LRIG1: variants seen among roughly 807,000 people sequenced by gnomAD.
LRIG1 encodes leucine rich repeats and immunoglobulin like domains 1, also known as leucine-rich repeats and immunoglobulin-like domains protein 1.
In LRIG1, 48 loss-of-function variants were observed where a neutral mutation model predicts 99.2. The ratio of observed to expected loss-of-function variants is 0.48; its 90% CI spans 0.38 to 0.62. LRIG1 has a LOEUF of 0.62. Among genes scored for constraint, LRIG1 ranks in the 20% least tolerant of loss-of-function variants. The pLI is 0.00. For missense variants in LRIG1, 1,646 were observed against 1,434.4 expected, an observed-to-expected ratio of 1.15 and a Z score of -2.38; for synonymous variants, 772 against 596.1, an observed-to-expected ratio of 1.29 and a Z score of -4.30.
chr3:66,500,794 C>T lies in LRIG1; in HGVS notation c.-387G>A, dbSNP rs1258673423. On this transcript the variant is annotated 5_prime_UTR_variant, in exon 1 of 19. Transcript: ENST00000273261. ...CCTGGAAGACAGGCGTTCAGCCCCG[C>T]AGCCCGAGCTCGGTGCCGGCAGGCA... 1 of 158,286 alleles carries T rather than the reference C, an allele frequency of 6.3e-6. No homozygotes were observed. 9.8% of individuals were successfully genotyped at this position (158,286 alleles called of 1,614,324 possible).
intron 9 of LRIG1, among the ~76,000 whole-genome samples, chr3:66,399,358 C>G (rs922736634): frequency 7.2e-5 from 11 of 152,230 alleles, no homozygotes; most frequent in South Asian, 4.1e-4. Flanking sequence ...CTGGCCCAGT[C>G]TCTCTCCAAG....
At chr3:66,409,797 T>G (rs778395740) in intron 7 of LRIG1, 1 of 233,288 alleles carries the variant, frequency 4.3e-6, no homozygotes, top group Non-Finnish European at 8.4e-6. Flanking sequence ...CACTCTGCCA[T>G]AGCTGCCCTT....
intron 3 of LRIG1, among the ~76,000 whole-genome samples, chr3:66,421,179 A>C (rs996588561): frequency 6.6e-6 from 1 of 152,116 alleles, no homozygotes; most frequent in East Asian, 1.9e-4. Flanking sequence ...CAGCCAAACC[A>C]TATCATTCTG....
rs1489155983 is a variant in LRIG1, at chr3:66,381,580, A to G, written c.2669T>C (p.Val890Ala). 6.2e-7 allele frequency: 1 copy of G among 1,613,992 alleles called. No individual in the cohort carries two copies. Among genetic ancestry groups the G allele is most frequent in the Non-Finnish European group, 8.5e-7 (1 of 1,179,978 alleles). ...ACAGAGCTTTGGCTGCCTGCAGGCA[A>G]CGCTGTGAGTGTCGGGCTCTGGAAA... ...SHFPEPDTHSVACRQPKLCAG... is the reference protein window; with the variant it reads ...SHFPEPDTHSAACRQPKLCAG... Residue 890 changes from valine (V) to alanine (A), a missense_variant, in exon 17 of 19, where the codon GTT becomes GCT. Val to Ala is a moderately conservative substitution (Grantham distance 64). Coordinates refer to ENST00000273261, the MANE Select transcript of LRIG1 (RefSeq NM_015541.3).
intron 1 of LRIG1, among the ~76,000 whole-genome samples, chr3:66,475,895 A>G (rs1171112204): frequency 6.6e-6 from 1 of 152,176 alleles, no homozygotes; most frequent in East Asian, 1.9e-4. Context: ...TAAACCAGGC[A>G]CCTTTTCAAT....
intron 2 of LRIG1, among the ~76,000 whole-genome samples, chr3:66,456,945 C>T (rs1700240576): frequency 6.6e-6 from 1 of 152,184 alleles, no homozygotes; most frequent in Admixed American, 6.5e-5. Context: ...TGGAGGCACT[C>T]CCTGGTGGGC....
chr3:66,455,134 G>A (rs1235757323), intron 2 of LRIG1, among the ~76,000 whole-genome samples: 2 of 152,052 alleles, frequency 1.3e-5, no homozygotes, highest in African/African-American at 2.4e-5. Context: ...TAGTAGACAC[G>A]GGGTTTCGTC....
intron 1 of LRIG1, among the ~76,000 whole-genome samples, chr3:66,498,793 A>C (rs570878821): frequency 2.0e-5 from 3 of 152,302 alleles, no homozygotes; most frequent in Admixed American, 2.0e-4. Flanking sequence ...AGAACTCTGT[A>C]GTACTTGTTC....
intron 9 of LRIG1, among the ~76,000 whole-genome samples, chr3:66,400,529 C>T (rs1702013552): frequency 6.6e-6 from 1 of 152,160 alleles, no homozygotes; most frequent in African/African-American, 2.4e-5. Context: ...CTGTCCAAGG[C>T]AATGGGGTGC....
At chr3:66,391,402 G>A (rs1443362667) in intron 12 of LRIG1, among the ~76,000 whole-genome samples, 1 of 152,166 alleles carries the variant, frequency 6.6e-6, no homozygotes, top group Non-Finnish European at 1.5e-5. Context: ...ACAATCTAAT[G>A]TCCATCATCT....
intron 2 of LRIG1, among the ~76,000 whole-genome samples, chr3:66,452,942 C>T (rs141765851): frequency 1.3e-5 from 2 of 152,212 alleles, no homozygotes; most frequent in East Asian, 1.9e-4. Flanking sequence ...CTTAAAGGGC[C>T]CTTGTTTGTG....
At chr3:66,410,034 G>A (rs986908779) in intron 7 of LRIG1, 95 bp downstream of exon 7, 14 of 1,344,920 alleles carry the variant, frequency 1.0e-5, no homozygotes, top group African/African-American at 4.4e-5. Context: ...AGCCCTCCCC[G>A]AGGCCACTGT....
intron 12 of LRIG1, among the ~76,000 whole-genome samples, chr3:66,390,072 C>A (rs1701555343): frequency 6.6e-6 from 1 of 151,918 alleles, no homozygotes; most frequent in African/African-American, 2.4e-5. Context: ...GATTTCCCAC[C>A]AAAACTCTCA....
chr3:66,449,836 A>G (rs541978625), intron 3 of LRIG1, among the ~76,000 whole-genome samples: 22 of 152,352 alleles, frequency 1.4e-4, no homozygotes, highest in African/African-American at 5.3e-4. Flanking sequence ...GAGCAGTTAC[A>G]TCAGCATTTC....
intron 2 of LRIG1, among the ~76,000 whole-genome samples, chr3:66,453,243 G>C (rs1306705646): frequency 6.6e-6 from 1 of 152,216 alleles, no homozygotes; most frequent in East Asian, 1.9e-4. Context: ...CTCTTTCATT[G>C]CTTGCGATTT....
chr3:66,434,407 A>G (rs1237923383), intron 3 of LRIG1, among the ~76,000 whole-genome samples: 2 of 152,212 alleles, frequency 1.3e-5, no homozygotes, highest in Non-Finnish European at 2.9e-5. Context: ...TGAAAACCAT[A>G]ATGAGCTATC....
At chr3:66,385,922 G>A (rs1701349967) in intron 13 of LRIG1, 59 bp downstream of exon 13, 1 of 1,453,174 alleles carries the variant, frequency 6.9e-7, no homozygotes, top group African/African-American at 1.4e-5. Context: ...AGCTGAAAGG[G>A]CAATCAGGAG....
At chr3:66,455,667 C>T (rs1238530972) in intron 2 of LRIG1, among the ~76,000 whole-genome samples, 2 of 152,218 alleles carry the variant, frequency 1.3e-5, no homozygotes, top group Admixed American at 1.3e-4. Flanking sequence ...TGCGTTGAAA[C>T]TGTAGTTGGT....
chr3:66,414,778 G>A (rs1702572070), intron 5 of LRIG1, 142 bp downstream of exon 5: 1 of 847,712 alleles, frequency 1.2e-6, no homozygotes, highest in Admixed American at 2.9e-5. Context: ...GCTTTTATGA[G>A]GTGCTGCCAT....
Sources: gnomAD v4.1 joint callset for allele counts (sites outside exome capture counted in the v4.1 genomes callset) on GRCh38, gnomAD v4.1.1 for gene constraint, MANE v1.5 for transcripts, NCBI Gene and HGNC (gene_info 2026-07-23, HGNC 2026-07-21) for gene names.